The following PLA2G4D variants were observed in gnomAD, a reference collection of about 807,000 sequenced individuals.
PLA2G4D encodes the protein phospholipase A2 group IVD, also known as cytosolic phospholipase A2 delta.
PLA2G4D carries 80 observed loss-of-function variants against 94.4 expected under a neutral mutation model. The observed-to-expected ratio is 0.85, with a 90% CI of 0.71 to 1.02. The LOEUF (loss-of-function observed/expected upper bound fraction) is 1.02. Among genes scored for constraint, PLA2G4D ranks in the 50% least tolerant of loss-of-function variants. PLA2G4D has a pLI of 0.00. For missense variants in PLA2G4D, 1,050 were observed against 1,034.7 expected, an observed-to-expected ratio of 1.01 and a Z score of -0.20; for synonymous variants, 438 against 440.9, an observed-to-expected ratio of 0.99 and a Z score of 0.08.
rs559900977 is a variant in PLA2G4D, at chr15:42,093,587, G to A, written c.45+828C>T. Among the ~76,000 whole-genome samples, 239 of 152,292 alleles carry A rather than the reference G, an allele frequency of 1.6e-3. 2 individuals are homozygous for A. Among genetic ancestry groups the A allele is most frequent in the African/African-American group, 5.5e-3 (228 of 41,560 alleles). ...CCTGACCTCAGGCTGGGGCAACAGTGTGGTCCTTCACTGAGGGGTCCCTCT... is the reference window on the plus strand; with the variant it reads ...CCTGACCTCAGGCTGGGGCAACAGTATGGTCCTTCACTGAGGGGTCCCTCT... On this transcript the variant is annotated intron_variant, in intron 1 of 19. Coordinates refer to ENST00000290472, the MANE Select transcript of PLA2G4D (RefSeq NM_178034.4).
intron 5 of PLA2G4D, 90 bp downstream of exon 5, chr15:42,085,401 G>C (rs1890121954): frequency 6.9e-7 from 1 of 1,448,190 alleles, no homozygotes; most frequent in South Asian, 1.1e-5. Context: ...GGACAGTCAG[G>C]CTGGACTGAC....
Position 42,068,608 on chromosome 15 carries a change from G to T in PLA2G4D, c.*107C>A. On this transcript the variant is annotated 3_prime_UTR_variant, in exon 20 of 20. Transcript: ENST00000290472. ...TGAGACCAGCTACAGAGGCCACCCA[G>T]GCCTGGGAGAGCCCAGAACTCCAAC... 1 of 1,086,210 alleles carries T rather than the reference G, an allele frequency of 9.2e-7. No individual in the cohort carries two copies. The highest frequency in any genetic ancestry group is 1.3e-6 in the Non-Finnish European group (1 of 763,938). The allele number at this position is 1,086,210 out of a possible 1,614,324, so 67.3% of individuals were successfully genotyped here. A position where few individuals can be genotyped will look rare whatever the true frequency, so the allele number is the denominator to read the frequency against.
chr15:42,094,325 AC>A, intron 1 of PLA2G4D, 89 bp downstream of exon 1: 1 of 1,495,030 alleles, frequency 6.7e-7, no homozygotes, highest in Non-Finnish European at 9.2e-7. Context: ...GTCTGAAATC[AC>A]CCTGATTCCA....
At position 42,081,882 on chromosome 15, in the gene PLA2G4D, C is replaced by T. The variant is rs375599682; in HGVS notation, c.784-48G>A. 45 of 1,605,100 alleles carry T rather than the reference C, an allele frequency of 2.8e-5. 1 individual carries two copies. The highest frequency in any genetic ancestry group is 3.3e-4 in the Middle Eastern group (2 of 6,052). On this transcript the variant is annotated intron_variant, in intron 9 of 19. Transcript: ENST00000290472. ...TGCTCAGACCCTCCTAGACCCTAAG[C>T]GGCACATGGGTATCCCTGGGGACTT...
chr15:42,080,391 T>C (rs543530104), intron 12 of PLA2G4D, among the ~76,000 whole-genome samples: 3 of 152,364 alleles, frequency 2.0e-5, no homozygotes, highest in Non-Finnish European at 2.9e-5. Context: ...AACAGCGGGA[T>C]GCTGCACCTC....
intron 5 of PLA2G4D, 65 bp downstream of exon 5, chr15:42,085,426 G>T: frequency 1.9e-6 from 3 of 1,564,916 alleles, no homozygotes; most frequent in Non-Finnish European, 1.8e-6. Flanking sequence ...GGGAGATCTG[G>T]GTCAGGGCCA....
intron 5 of PLA2G4D, 128 bp from the exon 6 acceptor site, chr15:42,085,266 G>A: frequency 8.6e-7 from 1 of 1,168,840 alleles, no homozygotes; most frequent in Non-Finnish European, 1.3e-6. Flanking sequence ...GACAAGGGGA[G>A]ATGCTTTGCA....
In PLA2G4D at chr15:42,084,435, A is replaced by G. The variant is rs745407313; in HGVS notation, c.472-656T>C. On this transcript the variant is annotated intron_variant, in intron 6 of 19. Coordinates refer to ENST00000290472, the MANE Select transcript of PLA2G4D (RefSeq NM_178034.4). The surrounding 1 kb of genome is among the most constrained non-coding windows in gnomAD (Gnocchi z 4.8). ...TTTTAAAAGTAATACCCGTCCATCA[A>G]ACAGCCCCTAGGAGCTTAAATGCTG... is the stretch of plus-strand genomic sequence containing the variant. 3.9e-5 allele frequency among the ~76,000 whole-genome samples: 6 copies of G among 152,196 alleles called. No individual in the cohort carries two copies. Among genetic ancestry groups the G allele is most frequent in the African/African-American group, 2.4e-5 (1 of 41,444 alleles).
intron 1 of PLA2G4D, among the ~76,000 whole-genome samples, chr15:42,088,151 G>A (rs550530739): frequency 6.6e-6 from 1 of 152,318 alleles, no homozygotes; most frequent in Admixed American, 6.5e-5. Context: ...CGGGAAGCAG[G>A]CATATGACTT....
At chr15:42,077,387 G>A (rs971248410) in intron 13 of PLA2G4D, among the ~76,000 whole-genome samples, 4 of 152,162 alleles carry the variant, frequency 2.6e-5, no homozygotes, top group Admixed American at 6.5e-5. Context: ...ATTCACCATT[G>A]ATCAAGTGGA....
chr15:42,092,409 G>T (rs1321621523), intron 1 of PLA2G4D, among the ~76,000 whole-genome samples: 1 of 152,100 alleles, frequency 6.6e-6, no homozygotes, highest in Admixed American at 6.5e-5. Flanking sequence ...AGGATATCTA[G>T]ACACTAGATT....
intron 1 of PLA2G4D, among the ~76,000 whole-genome samples, chr15:42,089,505 CT>C (rs1890213313): frequency 6.6e-6 from 1 of 152,208 alleles, no homozygotes; most frequent in Non-Finnish European, 1.5e-5. Context: ...TTTCTCTCTT[CT>C]TGGGGATTAA....
At position 42,093,299 on chromosome 15, in the gene PLA2G4D, T is replaced by C. The variant is rs7162871; in HGVS notation, c.45+1116A>G. ...TGTGGGGCCGACTGAGGCTCCCAAA[T>C]TGCTGACACTTAGGCTTTTGTTTTA... is the stretch of plus-strand genomic sequence containing the variant. On this transcript the variant is annotated intron_variant, in intron 1 of 19. Coordinates refer to ENST00000290472, the MANE Select transcript of PLA2G4D (RefSeq NM_178034.4). 5.8e-3 allele frequency among the ~76,000 whole-genome samples: 881 copies of C among 152,266 alleles called. 8 individuals are homozygous for C. Among genetic ancestry groups the C allele is most frequent in the African/African-American group, 0.02 (832 of 41,554 alleles).
At chr15:42,078,677 C>T (rs900106623) in intron 13 of PLA2G4D, among the ~76,000 whole-genome samples, 1 of 152,082 alleles carries the variant, frequency 6.6e-6, no homozygotes, top group Non-Finnish European at 1.5e-5. Flanking sequence ...TACCCATTAA[C>T]GAATTTTTCT....
intron 1 of PLA2G4D, among the ~76,000 whole-genome samples, chr15:42,091,267 TATATGAATATCATTA>T (rs1890239794): frequency 6.6e-6 from 1 of 152,266 alleles, no homozygotes; most frequent in Non-Finnish European, 1.5e-5. Flanking sequence ...GATACGATTA[TATATGAATATCATTA>T]ATCATTAGTT....
chr15:42,083,350 G>C lies in PLA2G4D; in HGVS notation c.536-16C>G. The C allele has an allele frequency of 1.2e-6, 2 of 1,607,950 alleles. No homozygotes were observed. The highest frequency in any genetic ancestry group is 1.7e-6 in the Non-Finnish European group (2 of 1,177,808). On this transcript the variant is annotated splice_polypyrimidine_tract_variant and intron_variant, in intron 7 of 19. Coordinates refer to ENST00000290472, the MANE Select transcript of PLA2G4D (RefSeq NM_178034.4). Reference sequence around the variant, plus strand: ...TTGTCCTGATCTAGGGAGAGAGTAGGCGGGTTAGCATGAGAACAAGAGCCC... The same window carrying C: ...TTGTCCTGATCTAGGGAGAGAGTAGCCGGGTTAGCATGAGAACAAGAGCCC...
At position 42,071,247 on chromosome 15, in the gene PLA2G4D, C is replaced by T. The variant is rs146876607; in HGVS notation, c.1752G>A (p.Ala584=). ...LEASWLQPGT[A]LAQAFKGFLT... ...GGAAGCCTTTAAATGCCTGGGCCAG[C>T]GCCGTGCCTGGCTGCAGCCACGAGG... is the stretch of plus-strand genomic sequence containing the variant. Residue 584 remains alanine, a synonymous_variant, in exon 17 of 20, where the codon GCG becomes GCA. Coordinates refer to ENST00000290472, the MANE Select transcript of PLA2G4D (RefSeq NM_178034.4). The T allele has an allele frequency of 1.7e-5, 27 of 1,610,332 alleles. No homozygotes were observed. Among genetic ancestry groups the T allele is most frequent in the East Asian group, 8.9e-5 (4 of 44,870 alleles).
Position 42,081,076 on chromosome 15 carries a change from A to G in PLA2G4D, c.1015T>C (p.Tyr339His). Residue 339 changes from tyrosine to histidine, a missense_variant, in exon 12 of 20, where the codon TAC becomes CAC. Coordinates refer to ENST00000290472, the MANE Select transcript of PLA2G4D (RefSeq NM_178034.4). ...GGGARAMTSLYGHLLALQKLG... is the reference protein window; with the variant it reads ...GGGARAMTSLHGHLLALQKLG... Reference sequence around the variant, plus strand: ...TTCTGCAAGGCCAATAGGTGGCCGTAGAGTGAGGTCATGGCCCGGGCACCT... The same window carrying G: ...TTCTGCAAGGCCAATAGGTGGCCGTGGAGTGAGGTCATGGCCCGGGCACCT... The G allele has an allele frequency of 6.2e-7, 1 of 1,614,194 alleles. No homozygotes were observed. The highest frequency in any genetic ancestry group is 1.3e-5 in the African/African-American group (1 of 75,038).
rs371243310 is a variant in PLA2G4D, at chr15:42,069,966, G to A, written c.2173C>T (p.Pro725Ser). Reference protein sequence around the residue: ...LFSDPACPEAPILLHFPLVNA... With the variant: ...LFSDPACPEASILLHFPLVNA... ...ACCAGCGGGAAGTGCAGCAGGATCG[G>A]GGCCTCGGGGCAGGCGGGGTCTGAG... The change falls in exon 19 of 20, where the codon CCG becomes TCG. Residue 725 changes from proline (P) to serine (S), a missense_variant. Coordinates refer to ENST00000290472, the MANE Select transcript of PLA2G4D (RefSeq NM_178034.4). The A allele has an allele frequency of 2.3e-5, 34 of 1,467,884 alleles. No individual in the cohort carries two copies. Among genetic ancestry groups the A allele is most frequent in the Non-Finnish European group, 3.1e-5 (34 of 1,113,260 alleles). The allele number at this position is 1,467,884 out of a possible 1,614,324, so 90.9% of individuals were successfully genotyped here.
Sources: allele counts gnomAD v4.1 joint callset (sites outside exome capture counted in the v4.1 genomes callset), GRCh38; gene constraint gnomAD v4.1.1; non-coding constraint Gnocchi (gnomAD v3.1); transcripts MANE v1.5; gene names NCBI Gene and HGNC (gene_info 2026-07-23, HGNC 2026-07-21).